Variants in NRXN3 observed in about 807,000 individuals in gnomAD.
The protein encoded by NRXN3 is neurexin III.
A neutral mutation model predicts 137.6 loss-of-function variants in NRXN3; 32 were observed. The observed-to-expected ratio is 0.23, with a 90% confidence interval of 0.18 to 0.31. The LOEUF (loss-of-function observed/expected upper bound fraction) is 0.31. Ranked by LOEUF, NRXN3 falls within the 10% of genes least tolerant of loss-of-function variation. The pLI is 1.00. For missense variants in NRXN3, 1,574 were observed against 2,062.5 expected (o/e 0.76, Z 4.59); for synonymous variants, 798 against 784.5 (o/e 1.02, Z -0.29).
chr14:79,037,952 G>A (rs553864872), intron 15 of NRXN3, among the ~76,000 whole-genome samples: 2 of 152,236 alleles, frequency 1.3e-5, no homozygotes, highest in African/African-American at 4.8e-5. Flanking sequence ...TGAAATATCA[G>A]GTTAGGCTGA....
At chr14:79,123,601 G>A (rs1419118239) in intron 15 of NRXN3, among the ~76,000 whole-genome samples, 1 of 152,108 alleles carries the variant, frequency 6.6e-6, no homozygotes, top group Non-Finnish European at 1.5e-5. Context: ...CTCTCAAGGA[G>A]CTTAAAATCT....
At chr14:79,324,793 A>G (rs1442488945) in intron 15 of NRXN3, among the ~76,000 whole-genome samples, 1 of 152,156 alleles carries the variant, frequency 6.6e-6, no homozygotes, top group Non-Finnish European at 1.5e-5. Context: ...AATCATTAGA[A>G]CCTAAGCTTT....
intron 16 of NRXN3, among the ~76,000 whole-genome samples, chr14:79,534,738 T>C (rs1394792950): frequency 6.6e-6 from 1 of 151,984 alleles, no homozygotes; most frequent in Admixed American, 6.6e-5. Flanking sequence ...TTGTTTGCAA[T>C]TGAAAACCTG....
intron 13 of NRXN3, 93 bp downstream of exon 13, chr14:78,967,491 G>A (rs901521133): frequency 1.2e-6 from 1 of 866,690 alleles, no homozygotes; most frequent in Non-Finnish European, 1.8e-6. Context: ...AGAGTGCCAT[G>A]CATTTTTGAT....
intron 4 of NRXN3, among the ~76,000 whole-genome samples, chr14:78,446,813 T>A (rs1354721048): frequency 6.6e-6 from 1 of 152,182 alleles, no homozygotes; most frequent in African/African-American, 2.4e-5. Flanking sequence ...GGGGAAGGTG[T>A]CTGTTCCAGT....
At chr14:79,098,838 A>C (rs768921780) in intron 15 of NRXN3, among the ~76,000 whole-genome samples, 4 of 152,168 alleles carry the variant, frequency 2.6e-5, no homozygotes, top group Non-Finnish European at 5.9e-5. Flanking sequence ...GCCAAAGGGG[A>C]AAAAAGATTT....
chr14:79,798,199 T>A (rs994165851), intron 19 of NRXN3, among the ~76,000 whole-genome samples: 1 of 151,982 alleles, frequency 6.6e-6, no homozygotes, highest in Non-Finnish European at 1.5e-5. Context: ...AAAATCTTAA[T>A]AGATACATTT....
intron 15 of NRXN3, among the ~76,000 whole-genome samples, chr14:79,414,037 A>C (rs2095460180): frequency 6.6e-6 from 1 of 152,168 alleles, no homozygotes; most frequent in East Asian, 1.9e-4. Context: ...AATGTATTTC[A>C]ATCAAGAGCT....
intron 4 of NRXN3, among the ~76,000 whole-genome samples, chr14:78,389,637 G>A (rs969070): frequency 6.6e-6 from 1 of 151,988 alleles, no homozygotes; most frequent in African/African-American, 2.4e-5. Flanking sequence ...TTGATTAATA[G>A]TATTGTTGCT....
chr14:79,549,969 TGTTTGTTA>T (rs1174268780), intron 16 of NRXN3, among the ~76,000 whole-genome samples: 79 of 133,240 alleles, frequency 5.9e-4, no homozygotes, highest in African/African-American at 1.4e-3. Context: ...GGTGTTTGTT[TGTTTGTTA>T]GTTTGTTTGT....
At chr14:79,014,082 T>C (rs1039666831) in intron 15 of NRXN3, among the ~76,000 whole-genome samples, 1 of 152,180 alleles carries the variant, frequency 6.6e-6, no homozygotes, top group Non-Finnish European at 1.5e-5. Flanking sequence ...AACCTCTGTA[T>C]GGCAAGGAGC....
At chr14:79,110,921 G>A (rs1245784261) in intron 15 of NRXN3, among the ~76,000 whole-genome samples, 1 of 151,858 alleles carries the variant, frequency 6.6e-6, no homozygotes, top group Admixed American at 6.6e-5. Context: ...CTCCCAAATA[G>A]CTGGGACTAC....
At chr14:78,797,230 T>C (rs1005721824) in intron 8 of NRXN3, among the ~76,000 whole-genome samples, 1 of 152,164 alleles carries the variant, frequency 6.6e-6, no homozygotes, top group African/African-American at 2.4e-5. Flanking sequence ...AATGAACATA[T>C]GAACAAACAA....
chr14:78,766,231 G>T (rs1305696536), intron 8 of NRXN3, among the ~76,000 whole-genome samples: 3 of 152,108 alleles, frequency 2.0e-5, no homozygotes, highest in African/African-American at 7.2e-5. Flanking sequence ...TTCTTAAAAA[G>T]AAAAATAAAG....
At chr14:79,256,077 C>T (rs911161219) in intron 15 of NRXN3, among the ~76,000 whole-genome samples, 5 of 151,916 alleles carry the variant, frequency 3.3e-5, no homozygotes. Flanking sequence ...AAATGCATTT[C>T]TTTATGTCCA....
At chr14:78,465,912 C>G (rs2095091278) in intron 4 of NRXN3, among the ~76,000 whole-genome samples, 1 of 151,716 alleles carries the variant, frequency 6.6e-6, no homozygotes, top group African/African-American at 2.4e-5. Context: ...AGTGCAGTGA[C>G]GCGATCTCGG....
intron 14 of NRXN3, among the ~76,000 whole-genome samples, chr14:78,985,359 A>G (rs1279359202): frequency 6.6e-6 from 1 of 152,236 alleles, no homozygotes; most frequent in Admixed American, 6.5e-5. Flanking sequence ...ACATAAAGCA[A>G]TTAGAGGATT....
chr14:78,297,794 C>T (rs772102174), intron 3 of NRXN3, 37 bp from the exon 4 acceptor site: 2 of 1,407,318 alleles, frequency 1.4e-6, no homozygotes, highest in East Asian at 2.5e-5. Flanking sequence ...TACCCTTCCC[C>T]ACTCCTCTTC....
chr14:79,839,129 G>A (rs750032466), intron 20 of NRXN3, among the ~76,000 whole-genome samples: 3 of 152,018 alleles, frequency 2.0e-5, no homozygotes, highest in Non-Finnish European at 4.4e-5. Context: ...GCTTTAAGCA[G>A]AGGGTACTTT....
Sources: gnomAD v4.1 joint callset for allele counts (sites outside exome capture counted in the v4.1 genomes callset) on GRCh38, gnomAD v4.1.1 for gene constraint, MANE v1.5 for transcripts, NCBI Gene and HGNC (gene_info 2026-07-23, HGNC 2026-07-21) for gene names.